ATP7A: variants seen among roughly 807,000 people sequenced by gnomAD.
ATP7A encodes copper-transporting ATPase 1.
Under a neutral mutation model 83.5 loss-of-function variants are expected in ATP7A, and 7 were observed. That is an observed-to-expected ratio of 0.08 (90% CI 0.05 to 0.16). ATP7A has a LOEUF of 0.16. Ranked by LOEUF, ATP7A falls within the 10% of genes least tolerant of loss-of-function variation. The pLI is 1.00. For missense variants in ATP7A, 940 were observed against 1,120.8 expected (o/e 0.84, Z 2.30); for synonymous variants, 354 against 395.2 (o/e 0.90, Z 1.24).
In ATP7A at chrX:78,040,708, A is replaced by T. The variant is rs962646396; in HGVS notation, c.3776A>T (p.Lys1259Ile). 5 of 1,209,570 alleles carry T rather than the reference A, an allele frequency of 4.1e-6. No individual in the cohort carries two copies. Among genetic ancestry groups the T allele is most frequent in the Non-Finnish European group, 5.6e-6 (5 of 894,729 alleles). Residue 1259 changes from lysine (K) to isoleucine (I), a missense_variant, in exon 19 of 23, where the codon AAA (lysine) becomes ATA (isoleucine). Coordinates refer to ENST00000341514, the MANE Select transcript of ATP7A (RefSeq NM_000052.7). ...EVVLMTGDNSKTARSIASQVG... is the reference protein window; with the variant it reads ...EVVLMTGDNSITARSIASQVG... The stretch of plus-strand genomic sequence containing the variant: ...GTTCTGATGACTGGAGACAACAGTA[A>T]AACAGCTAGATCTATTGCTTCTCAG...
Position 77,988,388 on chromosome X carries a change from TCTGA to T in ATP7A, c.271_274del (p.Thr91LeufsTer5). The stretch of plus-strand genomic sequence containing the variant: ...TCCCTGTTTTAACTGACACCTTGTT[TCTGA>T]CTGTTACGGCGTCACTGACTTTGCC... On this transcript the variant is annotated frameshift_variant, in exon 3 of 23. Coordinates refer to ENST00000341514, the MANE Select transcript of ATP7A (RefSeq NM_000052.7). LOFTEE classifies it high-confidence loss of function. 1 of 1,211,742 alleles carries T rather than the reference TCTGA, an allele frequency of 8.3e-7. No homozygotes were observed. The highest frequency in any genetic ancestry group is 1.1e-6 in the Non-Finnish European group (1 of 895,394).
chrX:77,915,683 C>G (rs2149038965), intron 1 of ATP7A, among the ~76,000 whole-genome samples: 1 of 111,808 alleles, frequency 8.9e-6, no homozygotes, highest in Admixed American at 9.5e-5. Context: ...GATCAATATA[C>G]TAATCAATCA....
chrX:77,999,622 G>C (rs782749364), intron 5 of ATP7A, among the ~76,000 whole-genome samples: 1 of 111,747 alleles, frequency 8.9e-6, no homozygotes, highest in East Asian at 2.8e-4. Context: ...ATGTGATGAT[G>C]GCCAGGCACG....
chrX:77,936,681 A>G (rs2077321071), intron 1 of ATP7A, among the ~76,000 whole-genome samples: 1 of 112,781 alleles, frequency 8.9e-6, no homozygotes, highest in African/African-American at 3.2e-5. Context: ...TTAGAAATCT[A>G]TATTATCCCA....
intron 20 of ATP7A, among the ~76,000 whole-genome samples, chrX:78,043,036 C>T (rs781887413): frequency 1.4e-4 from 16 of 111,932 alleles, no homozygotes; most frequent in South Asian, 3.7e-4. Context: ...AGAATGGATT[C>T]GGAATAAAAT....
intron 6 of ATP7A, among the ~76,000 whole-genome samples, chrX:78,005,707 GA>G (rs1188783193): frequency 6.1e-5 from 4 of 65,490 alleles, no homozygotes; most frequent in African/African-American, 2.3e-4. Flanking sequence ...AAAAAAAAAA[GA>G]AAAAAAAAGA....
intron 1 of ATP7A, among the ~76,000 whole-genome samples, chrX:77,918,415 A>G (rs782030333): frequency 9.0e-6 from 1 of 110,995 alleles, no homozygotes; most frequent in Admixed American, 9.7e-5. Context: ...CCACCAGAAA[A>G]GTAGAAATGA....
Position 77,988,372 on chromosome X carries a change from T to C in ATP7A, c.251T>C (p.Leu84Ser). Residue 84 changes from leucine (L) to serine (S), a missense_variant, in exon 3 of 23, where the codon TTA becomes TCA. By Grantham distance (145) the Leu-to-Ser change is moderately radical. Coordinates refer to ENST00000341514, the MANE Select transcript of ATP7A (RefSeq NM_000052.7). ...VIHNPDPLPV[L>S]TDTLFLTVTA... ...CATAATCCTGACCCTCTCCCTGTTT[T>C]AACTGACACCTTGTTTCTGACTGTT... 1 of 1,211,507 alleles carries C rather than the reference T, an allele frequency of 8.3e-7. No homozygotes were observed. The highest frequency in any genetic ancestry group is 1.1e-6 in the Non-Finnish European group (1 of 895,279).
rs1557231656 is a variant in ATP7A at position 77,988,677 on chromosome X, A to G, written c.556A>G (p.Thr186Ala). ...KVEGMTCHSCTSTIEGKIGKL... is the reference protein window; with the variant it reads ...KVEGMTCHSCASTIEGKIGKL... ...GGAAGGGATGACCTGCCATTCATGT[A>G]CTAGCACTATTGAAGGAAAAATTGG... is the stretch of plus-strand genomic sequence containing the variant. Residue 186 changes from threonine to alanine, a missense_variant, in exon 3 of 23, where the codon ACT becomes GCT. Physicochemically the swap from Thr to Ala is moderately conservative, Grantham distance 58. Transcript: ENST00000341514. The G allele has an allele frequency of 8.3e-7, 1 of 1,211,279 alleles. No individual in the cohort carries two copies. The highest frequency in any genetic ancestry group is 1.1e-6 in the Non-Finnish European group (1 of 895,120).
At chrX:77,964,784 A>G (rs2077494744) in intron 1 of ATP7A, 1 of 111,965 alleles carries the variant, frequency 8.9e-6, no homozygotes, top group Admixed American at 9.5e-5. Flanking sequence ...TCCATGGTGT[A>G]TATGTGCCAC....
At chrX:78,044,423 A>AT (rs1347999123) in intron 21 of ATP7A, among the ~76,000 whole-genome samples, 1 of 111,440 alleles carries the variant, frequency 9.0e-6, no homozygotes, top group Non-Finnish European at 1.9e-5. Context: ...TTGCTTATTA[A>AT]TTTTTTTCTA....
intron 17 of ATP7A, among the ~76,000 whole-genome samples, chrX:78,034,171 G>A (rs2077998857): frequency 9.0e-6 from 1 of 111,381 alleles, no homozygotes; most frequent in Non-Finnish European, 1.9e-5. Flanking sequence ...TGGTTCTTGG[G>A]CATGTGTTCT....
chrX:78,025,817 G>T (rs782342893), intron 14 of ATP7A, among the ~76,000 whole-genome samples: 1 of 110,594 alleles, frequency 9.0e-6, no homozygotes, highest in African/African-American at 3.3e-5. Context: ...TGGCAACCAG[G>T]AATTTCATAT....
At chrX:78,024,700 T>A (rs782026494) in intron 14 of ATP7A, among the ~76,000 whole-genome samples, 1 of 111,331 alleles carries the variant, frequency 9.0e-6, no homozygotes, top group African/African-American at 3.3e-5. Flanking sequence ...CCCAAACCCA[T>A]TTTAGTGGTA....
At chrX:77,930,275 C>T (rs1261239685) in intron 1 of ATP7A, among the ~76,000 whole-genome samples, 7 of 111,474 alleles carry the variant, frequency 6.3e-5, no homozygotes, top group Non-Finnish European at 1.1e-4. Context: ...AGTCTCAGTA[C>T]TAAGTGAATC....
intron 1 of ATP7A, among the ~76,000 whole-genome samples, chrX:77,940,789 C>T (rs994872957): frequency 9.0e-6 from 1 of 111,644 alleles, no homozygotes; most frequent in Non-Finnish European, 1.9e-5. Context: ...ATGAAGAATA[C>T]AAATGGTCAA....
In ATP7A at chrX:77,988,124, G is replaced by A. The variant is rs192825594; in HGVS notation, c.121-118G>A. ...AGAAGAGTAAAAATGAAAACTAATA[G>A]GGAAACTCCATTAGATTGAGTTGTC... On this transcript the variant is annotated intron_variant, in intron 2 of 22. Coordinates refer to ENST00000341514, the MANE Select transcript of ATP7A (RefSeq NM_000052.7). The A allele has an allele frequency of 1.9e-5, 15 of 809,905 alleles. No homozygotes were observed. The Admixed American group carries it at 3.5e-4, about 19-fold the overall frequency. 66.7% of individuals were successfully genotyped at this position (809,905 alleles called of 1,213,427 possible).
At chrX:78,027,142 C>T (rs2077950566) in intron 14 of ATP7A, among the ~76,000 whole-genome samples, 1 of 105,612 alleles carries the variant, frequency 9.5e-6, no homozygotes, top group African/African-American at 3.5e-5. Flanking sequence ...AAGAACAAAA[C>T]TCCGTCTCAA....
chrX:78,045,662 G>A lies in ATP7A; in HGVS notation c.4226+90G>A, dbSNP rs782126257. 7.0e-5 allele frequency: 60 copies of A among 862,529 alleles called. No individual in the cohort carries two copies. The African/African-American group carries it at 1.1e-3, about 16-fold the overall frequency. 71.1% of individuals were successfully genotyped at this position (862,529 alleles called of 1,213,427 possible). A position where few individuals can be genotyped will look rare whatever the true frequency, so the allele number is the denominator to read the frequency against. ...AGGTTTTATTCTTGTATTGATCAAT[G>A]ATAAGCCCAAACCATTCTTAATGAG... On this transcript the variant is annotated intron_variant, in intron 22 of 22. Transcript: ENST00000341514.
Sources: gnomAD v4.1 joint callset for allele counts (sites outside exome capture counted in the v4.1 genomes callset) on GRCh38, gnomAD v4.1.1 for gene constraint, MANE v1.5 for transcripts, NCBI Gene and HGNC (gene_info 2026-07-23, HGNC 2026-07-21) for gene names.